The following ERBB4 variants were observed in gnomAD, a reference collection of about 807,000 sequenced individuals.
ERBB4 encodes the protein erb-b2 receptor tyrosine kinase 4.
Under a neutral mutation model 158.0 loss-of-function variants are expected in ERBB4, and 42 were observed. The ratio of observed to expected loss-of-function variants is 0.27; its 90% CI spans 0.21 to 0.34. ERBB4 has a LOEUF of 0.34. Ranked by LOEUF, ERBB4 falls within the 10% of genes least tolerant of loss-of-function variation. The probability of loss-of-function intolerance (pLI) is 1.00; values close to 1 mark genes in which losing one functional copy is unlikely to be tolerated. For synonymous variants in ERBB4, 583 were observed against 558.7 expected (o/e 1.04, Z -0.61); for missense variants, 1,333 against 1,624.1 (o/e 0.82, Z 3.08).
At chr2:211,621,538 C>G (rs2069603464) in intron 18 of ERBB4, among the ~76,000 whole-genome samples, 1 of 152,104 alleles carries the variant, frequency 6.6e-6, no homozygotes. Flanking sequence ...GCTCTTAATA[C>G]AAGTTAATAA....
chr2:211,821,348 A>T (rs951462895), intron 3 of ERBB4, among the ~76,000 whole-genome samples: 7 of 151,874 alleles, frequency 4.6e-5, no homozygotes, highest in Non-Finnish European at 8.8e-5. Flanking sequence ...AAACTACAAA[A>T]CACTGATGAA....
At chr2:211,913,130 T>C (rs1213553776) in intron 3 of ERBB4, among the ~76,000 whole-genome samples, 1 of 152,334 alleles carries the variant, frequency 6.6e-6, no homozygotes, top group South Asian at 2.1e-4. Context: ...CTTTCTCCTG[T>C]TAATCAATCT....
chr2:211,482,214 AC>A (rs2065100247), intron 20 of ERBB4, among the ~76,000 whole-genome samples: 1 of 152,214 alleles, frequency 6.6e-6, no homozygotes, highest in African/African-American at 2.4e-5. Flanking sequence ...ATGTGAAGAA[AC>A]TATCCAAACC....
At chr2:211,792,515 C>T (rs140282213) in intron 3 of ERBB4, among the ~76,000 whole-genome samples, 16 of 151,704 alleles carry the variant, frequency 1.1e-4, no homozygotes, top group Admixed American at 4.6e-4. Flanking sequence ...ATTTTTACTC[C>T]CTAACCTATT....
chr2:212,517,048 A>G (rs1055810081), intron 1 of ERBB4, among the ~76,000 whole-genome samples: 7 of 152,118 alleles, frequency 4.6e-5, no homozygotes, highest in African/African-American at 9.6e-5. Flanking sequence ...TCTCCACAAC[A>G]TCTGTTCAAA....
At chr2:212,010,405 T>C (rs906419354) in intron 2 of ERBB4, among the ~76,000 whole-genome samples, 2 of 152,152 alleles carry the variant, frequency 1.3e-5, no homozygotes, top group African/African-American at 4.8e-5. Flanking sequence ...TTTTTGAGAA[T>C]CAAAACAGCA....
At chr2:211,435,230 A>ATACTC (rs1316797485) in intron 20 of ERBB4, among the ~76,000 whole-genome samples, 4 of 152,210 alleles carry the variant, frequency 2.6e-5, no homozygotes, top group Admixed American at 2.6e-4. Flanking sequence ...AAGAAGCCTC[A>ATACTC]TACTCTGTGC....
chr2:212,367,432 T>G (rs2089931543), intron 1 of ERBB4, among the ~76,000 whole-genome samples: 2 of 151,928 alleles, frequency 1.3e-5, no homozygotes, highest in African/African-American at 4.8e-5. Context: ...TATATGAAAA[T>G]CAACTCAAGA....
intron 19 of ERBB4, among the ~76,000 whole-genome samples, chr2:211,575,484 A>C (rs1429122167): frequency 6.6e-6 from 1 of 152,234 alleles, no homozygotes; most frequent in Admixed American, 6.5e-5. Flanking sequence ...TGACTTCAAT[A>C]GAACAGACTT....
At chr2:212,104,983 A>T (rs1360506901) in intron 2 of ERBB4, among the ~76,000 whole-genome samples, 2 of 152,174 alleles carry the variant, frequency 1.3e-5, no homozygotes, top group East Asian at 3.9e-4. Flanking sequence ...TCAAATAAGT[A>T]GAATTCATCA....
At chr2:212,330,460 A>T (rs1276373603) in intron 1 of ERBB4, among the ~76,000 whole-genome samples, 1 of 151,934 alleles carries the variant, frequency 6.6e-6, no homozygotes, top group East Asian at 1.9e-4. Flanking sequence ...CTCTATAAAA[A>T]AATAAAACAA....
At chr2:212,254,404 G>C (rs1053581144) in intron 1 of ERBB4, among the ~76,000 whole-genome samples, 1 of 152,124 alleles carries the variant, frequency 6.6e-6, no homozygotes, top group Non-Finnish European at 1.5e-5. Flanking sequence ...AACTCGAATA[G>C]TGTTATTTAA....
At chr2:211,631,245 T>A (rs2070116474) in intron 16 of ERBB4, among the ~76,000 whole-genome samples, 1 of 152,046 alleles carries the variant, frequency 6.6e-6, no homozygotes, top group Admixed American at 6.6e-5. Flanking sequence ...AAATGAGTGG[T>A]CTGAAGACAT....
intron 2 of ERBB4, among the ~76,000 whole-genome samples, chr2:211,953,446 T>C (rs556512235): frequency 7.5e-6 from 1 of 132,512 alleles, no homozygotes; most frequent in East Asian, 2.1e-4. Context: ...GTCTTTGATA[T>C]TAAATAAAGG....
At chr2:211,386,741 G>T in intron 27 of ERBB4, 112 bp downstream of exon 27, 1 of 997,988 alleles carries the variant, frequency 1.0e-6, no homozygotes, top group Non-Finnish European at 1.6e-6. Context: ...GGCCTTTACT[G>T]GATCACAAAT....
intron 20 of ERBB4, among the ~76,000 whole-genome samples, chr2:211,483,110 T>C (rs144986295): frequency 3.3e-5 from 5 of 151,720 alleles, no homozygotes; most frequent in African/African-American, 7.3e-5. Flanking sequence ...TAAAAGCAGA[T>C]TAATATTGCA....
intron 2 of ERBB4, among the ~76,000 whole-genome samples, chr2:212,040,057 A>T (rs2077101944): frequency 6.6e-6 from 1 of 151,828 alleles, no homozygotes; most frequent in African/African-American, 2.4e-5. Context: ...TAATTTCCAG[A>T]AGCTAAATAA....
intron 20 of ERBB4, among the ~76,000 whole-genome samples, chr2:211,512,173 T>C (rs2065899703): frequency 2.0e-5 from 3 of 152,152 alleles, no homozygotes; most frequent in Admixed American, 2.0e-4. Flanking sequence ...AACTGCAAGT[T>C]GAAGAACGAA....
At chr2:212,291,166 C>T (rs1574612914) in intron 1 of ERBB4, among the ~76,000 whole-genome samples, 4 of 152,172 alleles carry the variant, frequency 2.6e-5, no homozygotes, top group Admixed American at 2.6e-4. Flanking sequence ...CCATATCTCT[C>T]CAAGCATATT....
Sources: gnomAD v4.1 joint callset for allele counts (sites outside exome capture counted in the v4.1 genomes callset) on GRCh38, gnomAD v4.1.1 for gene constraint, MANE v1.5 for transcripts, NCBI Gene and HGNC (gene_info 2026-07-23, HGNC 2026-07-21) for gene names.